ECHDC3: variants seen among roughly 807,000 people sequenced by gnomAD.
ECHDC3 encodes the protein enoyl-CoA hydratase domain-containing protein 3, mitochondrial.
In ECHDC3, 20 loss-of-function variants were observed where a neutral mutation model predicts 17.9. That is an observed-to-expected ratio of 1.12 (90% CI 0.79 to 1.63). The LOEUF (loss-of-function observed/expected upper bound fraction) is 1.63, where lower values mean the gene tolerates loss of function less well. ECHDC3 is among the 40% of genes most tolerant of loss of function. The probability of loss-of-function intolerance (pLI) is 0.00; values close to 1 mark genes in which losing one functional copy is unlikely to be tolerated. For synonymous variants in ECHDC3, 177 were observed against 149.7 expected, an observed-to-expected ratio of 1.18 and a Z score of -1.33; for missense variants, 407 against 357.7, an observed-to-expected ratio of 1.14 and a Z score of -1.11.
chr10:11,757,968 C>T (rs369591155), intron 4 of ECHDC3, among the ~76,000 whole-genome samples: 8 of 152,250 alleles, frequency 5.3e-5, no homozygotes, highest in African/African-American at 1.7e-4. Flanking sequence ...ACAGGCCCAC[C>T]GAGTATTTTG....
chr10:11,743,423 C>G (rs1365838064), intron 1 of ECHDC3, among the ~76,000 whole-genome samples: 1 of 152,254 alleles, frequency 6.6e-6, no homozygotes, highest in South Asian at 2.1e-4. Context: ...ACTGATAATC[C>G]TCAGATGACC....
chr10:11,763,508 G>A lies in ECHDC3; in HGVS notation c.876G>A (p.Gln292=), dbSNP rs200952373. 52 of 1,410,066 alleles carry A rather than the reference G, an allele frequency of 3.7e-5. No individual in the cohort carries two copies. The East Asian group carries it at 1.1e-3, about 31-fold the overall frequency. The allele number at this position is 1,410,066 out of a possible 1,614,324, so 87.3% of individuals were successfully genotyped here. Residue 292 remains glutamine, a synonymous_variant, in exon 5 of 5, where the codon CAG becomes CAA. Transcript: ENST00000379215. This position sits in a 1 kb window ranked among gnomAD's most constrained non-coding sequence, Gnocchi z 4.9. ...DGQEGITAFL[Q]KRKPVWSHEP... ...AGGAGGGCATCACGGCCTTCCTCCA[G>A]AAGAGAAAACCTGTCTGGTCACACG...
chr10:11,751,721 A>T (rs1014977017), intron 3 of ECHDC3, among the ~76,000 whole-genome samples: 1 of 152,220 alleles, frequency 6.6e-6, no homozygotes, highest in African/African-American at 2.4e-5. Flanking sequence ...TGGCTCTGGA[A>T]GAGTGAAAAT....
chr10:11,743,790 T>C (rs1832723003), intron 1 of ECHDC3, among the ~76,000 whole-genome samples: 1 of 152,256 alleles, frequency 6.6e-6, no homozygotes, highest in Non-Finnish European at 1.5e-5. Context: ...ATTGCTAAGT[T>C]TCTGCTTCTG....
At chr10:11,755,821 GC>G in intron 4 of ECHDC3, 1 of 505,640 alleles carries the variant, frequency 2.0e-6, no homozygotes, top group Non-Finnish European at 3.5e-6. Flanking sequence ...AGCTTCTGAC[GC>G]CAGGCGTCAA....
In ECHDC3 at chr10:11,754,857, T is replaced by C. The variant is rs529523425; in HGVS notation, c.391-551T>C. Among the ~76,000 whole-genome samples, 3 of 152,330 alleles carry C rather than the reference T, an allele frequency of 2.0e-5. No homozygotes were observed. In the East Asian group the frequency reaches 5.8e-4, roughly 29 times the overall value. Reference sequence around the variant, plus strand: ...CAAGCTTAGTGTCCTTGTTGTACAATAGGGCTCTGTCCCCATGGGGCTCTC... The same window carrying C: ...CAAGCTTAGTGTCCTTGTTGTACAACAGGGCTCTGTCCCCATGGGGCTCTC... On this transcript the variant is annotated intron_variant, in intron 3 of 4. Transcript: ENST00000379215.
At chr10:11,750,747 C>T (rs1272715393) in intron 3 of ECHDC3, among the ~76,000 whole-genome samples, 1 of 152,192 alleles carries the variant, frequency 6.6e-6, no homozygotes, top group Non-Finnish European at 1.5e-5. Flanking sequence ...TCATAACCTG[C>T]CTCTAAGATA....
intron 1 of ECHDC3, among the ~76,000 whole-genome samples, chr10:11,746,506 C>T (rs949555498): frequency 6.6e-6 from 1 of 152,138 alleles, no homozygotes; most frequent in African/African-American, 2.4e-5. Context: ...TTGTCATCCA[C>T]AAAGGATAAA....
intron 3 of ECHDC3, among the ~76,000 whole-genome samples, chr10:11,751,537 G>A (rs971078552): frequency 2.6e-5 from 4 of 152,200 alleles, no homozygotes; most frequent in Admixed American, 2.0e-4. Flanking sequence ...TCATTGTTCA[G>A]TTCATGCATG....
chr10:11,747,414 A>G lies in ECHDC3; in HGVS notation c.236A>G (p.Gln79Arg). 1 of 1,614,036 alleles carries G rather than the reference A, an allele frequency of 6.2e-7. No individual in the cohort carries two copies. Among genetic ancestry groups the G allele is most frequent in the Non-Finnish European group, 8.5e-7 (1 of 1,179,954 alleles). The stretch of plus-strand genomic sequence containing the variant: ...TCACTTGCAATGCTGAAGTCTCTCC[A>G]AAGTGACATTCTTCATGACGCTGAC... Reference protein sequence around the residue: ...ALSLAMLKSLQSDILHDADSN... With the variant: ...ALSLAMLKSLRSDILHDADSN... Residue 79 changes from glutamine (Q) to arginine (R), a missense_variant, in exon 2 of 5, where the codon CAA becomes CGA. Transcript: ENST00000379215.
At chr10:11,750,185 C>T (rs920683601) in intron 3 of ECHDC3, among the ~76,000 whole-genome samples, 1 of 151,962 alleles carries the variant, frequency 6.6e-6, no homozygotes, top group Non-Finnish European at 1.5e-5. Flanking sequence ...CTCATAGTTG[C>T]CATGTCTAGC....
intron 3 of ECHDC3, among the ~76,000 whole-genome samples, chr10:11,750,362 G>GT: frequency 6.6e-6 from 1 of 152,140 alleles, no homozygotes; most frequent in Non-Finnish European, 1.5e-5. Flanking sequence ...AACAATAATG[G>GT]TTTTTAAAAT....
intron 4 of ECHDC3, among the ~76,000 whole-genome samples, chr10:11,758,335 C>A (rs896622051): frequency 2.6e-5 from 4 of 152,214 alleles, no homozygotes; most frequent in Non-Finnish European, 5.9e-5. Flanking sequence ...CTTGCTCAGA[C>A]CCTGAGCCAG....
intron 3 of ECHDC3, among the ~76,000 whole-genome samples, chr10:11,754,619 A>G (rs1040232290): frequency 1.3e-5 from 2 of 152,028 alleles, no homozygotes; most frequent in Non-Finnish European, 2.9e-5. Context: ...TTCCACCTCA[A>G]TTTTTCAAGG....
chr10:11,754,778 G>C (rs1485051419), intron 3 of ECHDC3, among the ~76,000 whole-genome samples: 3 of 152,214 alleles, frequency 2.0e-5, no homozygotes, highest in African/African-American at 7.2e-5. Flanking sequence ...GCAGGCGGGG[G>C]TCTGTCACTA....
rs780094637 is a variant in ECHDC3, at chr10:11,763,437, C to A, written c.805C>A (p.Leu269Ile). ...CCAGGACCTGGGGACGGCTTACTAC[C>A]TCACCTCCCAGGCCATGGTGGACAA... ...LPQDLGTAYY[L>I]TSQAMVDNLA... Residue 269 changes from leucine to isoleucine, a missense_variant, in exon 5 of 5, where the codon CTC becomes ATC. Transcript: ENST00000379215. The surrounding 1 kb of genome is among the most constrained non-coding windows in gnomAD (Gnocchi z 4.9). 4 of 855,568 alleles carry A rather than the reference C, an allele frequency of 4.7e-6. No homozygotes were observed. The highest frequency in any genetic ancestry group is 8.1e-6 in the Non-Finnish European group (4 of 496,552). 53.0% of individuals were successfully genotyped at this position (855,568 alleles called of 1,614,324 possible).
At position 11,742,719 on chromosome 10, in the gene ECHDC3, CCA is replaced by C; in HGVS notation, c.144_145del (p.Ser49ArgfsTer32). The C allele has an allele frequency of 2.4e-6, 3 of 1,235,346 alleles. No individual in the cohort carries two copies. The highest frequency in any genetic ancestry group is 3.0e-6 in the Non-Finnish European group (3 of 990,006). 76.5% of individuals were successfully genotyped at this position (1,235,346 alleles called of 1,614,324 possible). ...CGGCGGGAGTCGGAGCCGCGGCCCA[CCA>C]GCGCGCGGCAGCTGGACGGCATAAG... On this transcript the variant is annotated frameshift_variant, in exon 1 of 5. Transcript: ENST00000379215. LOFTEE classifies it high-confidence loss of function.
rs756911422 is a variant in ECHDC3, at chr10:11,742,599, G to A, written c.23G>A (p.Arg8Gln). 36 of 1,293,248 alleles carry A rather than the reference G, an allele frequency of 2.8e-5. No homozygotes were observed. Among genetic ancestry groups the A allele is most frequent in the Admixed American group, 1.1e-4 (3 of 26,810 alleles). The allele number at this position is 1,293,248 out of a possible 1,614,324, so 80.1% of individuals were successfully genotyped here. A position where few individuals can be genotyped will look rare whatever the true frequency, so the allele number is the denominator to read the frequency against. MAAVAVL[R>Q]AFGASGPMCL... ...GCTATGGCCGCCGTCGCCGTCTTGCGGGCCTTCGGGGCAAGTGGGCCCATG... is the reference window on the plus strand; with the variant it reads ...GCTATGGCCGCCGTCGCCGTCTTGCAGGCCTTCGGGGCAAGTGGGCCCATG... The change falls in exon 1 of 5, where the codon CGG becomes CAG. Residue 8 changes from arginine (R) to glutamine (Q), a missense_variant. Transcript: ENST00000379215.
At chr10:11,755,323 CAAAAA>C (rs35696123) in intron 3 of ECHDC3, 80 bp from the exon 4 acceptor site, 7,395 of 774,978 alleles carry the variant, frequency 9.5e-3, no homozygotes, top group East Asian at 0.022. Context: ...GAGACTCTGT[CAAAAA>C]AAAAAAAAAA....
Sources: gnomAD v4.1 joint callset for allele counts (sites outside exome capture counted in the v4.1 genomes callset) on GRCh38, gnomAD v4.1.1 for gene constraint, Gnocchi (gnomAD v3.1) non-coding constraint, MANE v1.5 for transcripts, NCBI Gene and HGNC (gene_info 2026-07-23, HGNC 2026-07-21) for gene names.